EIF3J: variants seen among roughly 807,000 people sequenced by gnomAD.
EIF3J encodes eukaryotic translation initiation factor 3, subunit 1 (alpha, 35kD).
EIF3J carries 15 observed loss-of-function variants against 39.0 expected under a neutral mutation model. The observed-to-expected ratio is 0.38, with a 90% CI of 0.26 to 0.59. The LOEUF (loss-of-function observed/expected upper bound fraction) is 0.59, where lower values mean the gene tolerates loss of function less well. Ranked by LOEUF, EIF3J falls within the 20% of genes least tolerant of loss-of-function variation. The pLI is 0.60. For missense variants in EIF3J, 226 were observed against 308.6 expected, an observed-to-expected ratio of 0.73 and a Z score of 2.00; for synonymous variants, 98 against 112.9, an observed-to-expected ratio of 0.87 and a Z score of 0.84.
chr15:44,549,936 G>A (rs1824330008), intron 2 of EIF3J, among the ~76,000 whole-genome samples: 4 of 151,416 alleles, frequency 2.6e-5, no homozygotes, highest in Admixed American at 2.6e-4. Context: ...CTCCAGCCTG[G>A]GCAAGAAACT....
In EIF3J at chr15:44,561,005, C is replaced by A; in HGVS notation, c.646-13C>A. ...ACACTAAGGTTCATGAATTAACTCT[C>A]TTTCATCTTTAGCAAAGCAAAGCCA... On this transcript the variant is annotated splice_polypyrimidine_tract_variant and intron_variant, in intron 7 of 7. Transcript: ENST00000261868. 1 of 1,612,314 alleles carries A rather than the reference C, an allele frequency of 6.2e-7. No individual in the cohort carries two copies. The highest frequency in any genetic ancestry group is 1.1e-5 in the South Asian group (1 of 91,004).
At chr15:44,551,185 T>A (rs1451474668) in intron 3 of EIF3J, among the ~76,000 whole-genome samples, 2 of 152,190 alleles carry the variant, frequency 1.3e-5, no homozygotes, top group Admixed American at 6.5e-5. Flanking sequence ...TGGCATTAAT[T>A]ATAGTTGAAT....
chr15:44,548,907 A>G (rs1350406981), intron 2 of EIF3J, among the ~76,000 whole-genome samples: 1 of 152,302 alleles, frequency 6.6e-6, no homozygotes, highest in South Asian at 2.1e-4. Context: ...AGGGAAAAAA[A>G]CCATTATTTA....
chr15:44,561,829 T>C lies in EIF3J; in HGVS notation c.*680T>C, dbSNP rs1406337564. 1.3e-5 allele frequency: 2 copies of C among 152,668 alleles called. No individual in the cohort carries two copies. The highest frequency in any genetic ancestry group is 2.4e-5 in the African/African-American group (1 of 41,462). 9.5% of individuals were successfully genotyped at this position (152,668 alleles called of 1,614,324 possible). A position where few individuals can be genotyped will look rare whatever the true frequency, so the allele number is the denominator to read the frequency against. ...TTATTTATCAGGCTATTTCTACTGA[T>C]GAACTGCTTCAGGTGGGGGAGGGAA... On this transcript the variant is annotated 3_prime_UTR_variant, in exon 8 of 8. Coordinates refer to ENST00000261868, the MANE Select transcript of EIF3J (RefSeq NM_003758.4).
intron 4 of EIF3J, among the ~76,000 whole-genome samples, chr15:44,552,630 T>C (rs1390630271): frequency 6.6e-6 from 1 of 152,044 alleles, no homozygotes; most frequent in Non-Finnish European, 1.5e-5. Flanking sequence ...AATGGCGTGA[T>C]CTTGGCTCAC....
chr15:44,539,609 C>T (rs990832167), intron 2 of EIF3J, among the ~76,000 whole-genome samples: 2 of 151,516 alleles, frequency 1.3e-5, no homozygotes, highest in African/African-American at 4.9e-5. Context: ...ACCGTGTTAG[C>T]CAGGATGGTC....
intron 2 of EIF3J, among the ~76,000 whole-genome samples, chr15:44,543,415 C>T (rs2082027733): frequency 6.9e-6 from 1 of 145,112 alleles, no homozygotes; most frequent in African/African-American, 2.7e-5. Flanking sequence ...TGATAGGAAC[C>T]ACTTTTTTTT....
In EIF3J at chr15:44,557,508, T is replaced by C. The variant is rs758862698; in HGVS notation, c.429T>C (p.Tyr143=). The part of the protein sequence containing the change: ...KETFGVNNAV[Y]GIDAMNPSSR... ...CTACAGGTGTTAATAATGCAGTTTA[T>C]GGAATAGATGCTATGAACCCATCTT... The change falls in exon 6 of 8, where the codon TAT becomes TAC. Residue 143 remains tyrosine, a synonymous_variant. Coordinates refer to ENST00000261868, the MANE Select transcript of EIF3J (RefSeq NM_003758.4). 5 of 1,534,414 alleles carry C rather than the reference T, an allele frequency of 3.3e-6. No homozygotes were observed. The African/African-American group carries it at 7.1e-5, about 22-fold the overall frequency.
intron 2 of EIF3J, 172 bp from the exon 3 acceptor site, chr15:44,550,701 TTGG>T: frequency 2.1e-6 from 1 of 485,474 alleles, no homozygotes; most frequent in Non-Finnish European, 3.8e-6. Flanking sequence ...GTTCTTATTC[TTGG>T]TTAGGGCAGC....
chr15:44,560,685 G>A (rs2140904523), intron 7 of EIF3J: 1 of 336,772 alleles, frequency 3.0e-6, no homozygotes, highest in South Asian at 6.1e-5. Flanking sequence ...AGTATGTCAA[G>A]TAAAGGTTAG....
At chr15:44,556,172 A>G (rs1428542811) in intron 5 of EIF3J, among the ~76,000 whole-genome samples, 1 of 152,102 alleles carries the variant, frequency 6.6e-6, no homozygotes, top group Non-Finnish European at 1.5e-5. Context: ...AGCCTAGGCC[A>G]GATTTCTTCT....
At position 44,545,214 on chromosome 15, in the gene EIF3J, A is replaced by T. The variant is rs184002190; in HGVS notation, c.148-5662A>T. ...AAGAAGTCATATTTACTATAATACTATTTTTATTTTTATTATTTTGCATTG... is the reference window on the plus strand; with the variant it reads ...AAGAAGTCATATTTACTATAATACTTTTTTTATTTTTATTATTTTGCATTG... On this transcript the variant is annotated intron_variant, in intron 2 of 7. Coordinates refer to ENST00000261868, the MANE Select transcript of EIF3J (RefSeq NM_003758.4). Among the ~76,000 whole-genome samples the T allele has an allele frequency of 3.0e-3, 459 of 152,208 alleles. 2 individuals are homozygous for T. Among genetic ancestry groups the T allele is most frequent in the African/African-American group, 0.01 (433 of 41,544 alleles).
chr15:44,546,630 C>G (rs964798903), intron 2 of EIF3J, among the ~76,000 whole-genome samples: 2 of 151,946 alleles, frequency 1.3e-5, no homozygotes, highest in African/African-American at 2.4e-5. Flanking sequence ...CATAGTGTGC[C>G]TGGTGGCTGC....
At chr15:44,539,457 G>A (rs1847869328) in intron 2 of EIF3J, among the ~76,000 whole-genome samples, 1 of 151,960 alleles carries the variant, frequency 6.6e-6, no homozygotes, top group African/African-American at 2.4e-5. Flanking sequence ...ACCCAGGCTG[G>A]AGTGCAGTGG....
chr15:44,537,466 G>A, intron 2 of EIF3J, 39 bp downstream of exon 2: 1 of 1,468,986 alleles, frequency 6.8e-7, no homozygotes, highest in Non-Finnish European at 9.0e-7. Flanking sequence ...GCGGAAGCGG[G>A]CTGGCGCTGT....
At chr15:44,558,524 G>A (rs183444092) in intron 6 of EIF3J, among the ~76,000 whole-genome samples, 2,023 of 150,668 alleles carry the variant, frequency 0.013, 57 homozygotes, top group African/African-American at 0.047. Flanking sequence ...GTGAGACTCC[G>A]TCTCAAAAAA....
chr15:44,560,301 T>C lies in EIF3J; in HGVS notation c.624T>C (p.Ser208=). The part of the protein sequence containing the change: ...KITNSLTVLC[S]EKQKQEKQSK... ...CCAATTCACTGACTGTGCTTTGCAG[T>C]GAAAAACAGAAGCAAGAAAAGGTAA... Residue 208 remains serine, a synonymous_variant, in exon 7 of 8, where the codon AGT becomes AGC. Transcript: ENST00000261868. The C allele has an allele frequency of 6.2e-7, 1 of 1,612,812 alleles. No homozygotes were observed. Among genetic ancestry groups the C allele is most frequent in the Non-Finnish European group, 8.5e-7 (1 of 1,179,830 alleles).
rs1039560820 is a variant in EIF3J at position 44,546,001 on chromosome 15, A to G, written c.148-4875A>G. On this transcript the variant is annotated intron_variant, in intron 2 of 7. Coordinates refer to ENST00000261868, the MANE Select transcript of EIF3J (RefSeq NM_003758.4). Reference sequence around the variant, plus strand: ...CCTGTTTCTCAGAAGGGTTTTAAATATGCATCTTCTGGAAGTAAGCAAATG... The same window carrying G: ...CCTGTTTCTCAGAAGGGTTTTAAATGTGCATCTTCTGGAAGTAAGCAAATG... 2.0e-5 allele frequency among the ~76,000 whole-genome samples: 3 copies of G among 152,170 alleles called. No individual in the cohort carries two copies. In the South Asian group the frequency reaches 6.2e-4, roughly 32 times the overall value.
chr15:44,551,647 G>A, intron 4 of EIF3J, 125 bp downstream of exon 4: 4 of 668,000 alleles, frequency 6.0e-6, no homozygotes, highest in Non-Finnish European at 9.6e-6. Flanking sequence ...CCATAAGATA[G>A]GTAAAATCCA....
Sources: gnomAD v4.1 joint callset for allele counts (sites outside exome capture counted in the v4.1 genomes callset) on GRCh38, gnomAD v4.1.1 for gene constraint, MANE v1.5 for transcripts, NCBI Gene and HGNC (gene_info 2026-07-23, HGNC 2026-07-21) for gene names.